ZBTB7C: variants seen among roughly 807,000 people sequenced by gnomAD.
The protein encoded by ZBTB7C is zinc finger and BTB domain containing 7C, also known as zinc finger and BTB domain-containing protein 7C.
Under a neutral mutation model 25.7 loss-of-function variants are expected in ZBTB7C, and 8 were observed. The ratio of observed to expected loss-of-function variants is 0.31; its 90% CI spans 0.18 to 0.56. The LOEUF (loss-of-function observed/expected upper bound fraction) is 0.56. Ranked by LOEUF, ZBTB7C falls within the 20% of genes least tolerant of loss-of-function variation. The pLI is 0.91. For missense variants in ZBTB7C, 824 were observed against 855.2 expected (o/e 0.96, Z 0.46); for synonymous variants, 394 against 369.0 (o/e 1.07, Z -0.78).
intron 3 of ZBTB7C, chr18:48,041,637 G>T: frequency 2.5e-6 from 2 of 785,484 alleles, no homozygotes; most frequent in Non-Finnish European, 1.5e-6. Flanking sequence ...AAATTTCGTG[G>T]CCCATTTTCA....
intron 2 of ZBTB7C, among the ~76,000 whole-genome samples, chr18:48,289,075 C>T (rs1474737226): frequency 2.6e-5 from 4 of 152,144 alleles, no homozygotes; most frequent in Admixed American, 6.5e-5. Flanking sequence ...ATGCACAACG[C>T]GAAACCACTT....
At chr18:48,249,167 C>A (rs1309287538) in intron 2 of ZBTB7C, among the ~76,000 whole-genome samples, 1 of 152,154 alleles carries the variant, frequency 6.6e-6, no homozygotes, top group Non-Finnish European at 1.5e-5. Flanking sequence ...AGAGTGATGG[C>A]ACTGTATTAA....
At chr18:48,405,578 G>A (rs895521855) in intron 1 of ZBTB7C, among the ~76,000 whole-genome samples, 4 of 152,172 alleles carry the variant, frequency 2.6e-5, no homozygotes, top group African/African-American at 7.2e-5. Flanking sequence ...GTAACCCATC[G>A]TTTCTCAGCC....
intron 2 of ZBTB7C, among the ~76,000 whole-genome samples, chr18:48,323,071 A>G (rs2046135702): frequency 6.6e-6 from 1 of 152,264 alleles, no homozygotes; most frequent in African/African-American, 2.4e-5. Context: ...GGTGACAGAT[A>G]AAACACTACA....
chr18:48,398,883 T>C (rs2048091888), intron 1 of ZBTB7C, among the ~76,000 whole-genome samples: 1 of 152,256 alleles, frequency 6.6e-6, no homozygotes, highest in Non-Finnish European at 1.5e-5. Context: ...TTAAGCAATT[T>C]TATCCTTTGA....
chr18:48,281,571 G>GGC (rs2044852057), intron 2 of ZBTB7C, among the ~76,000 whole-genome samples: 2 of 152,100 alleles, frequency 1.3e-5, no homozygotes, highest in Admixed American at 1.3e-4. Flanking sequence ...TCTGACAAAG[G>GGC]GCTAATATCC....
At position 48,326,192 on chromosome 18, in the gene ZBTB7C, T is replaced by G. The variant is rs376624625; in HGVS notation, c.-79+11982A>C. Among the ~76,000 whole-genome samples the G allele has an allele frequency of 8.1e-4, 120 of 148,572 alleles. 1 individual carries two copies. The highest frequency in any genetic ancestry group is 2.8e-3 in the African/African-American group (115 of 40,352). On this transcript the variant is annotated intron_variant, in intron 2 of 4. Coordinates refer to ENST00000590800, the MANE Select transcript of ZBTB7C (RefSeq NM_001318841.2). ...CTCACTGCAACCTCCACCTCCTGGG[T>G]TCAAGCAATTATCCTGCCTCAGCCT...
intron 2 of ZBTB7C, among the ~76,000 whole-genome samples, chr18:48,216,436 C>T (rs751257555): frequency 1.3e-5 from 2 of 152,024 alleles, no homozygotes; most frequent in African/African-American, 2.4e-5. Context: ...TGCAGAATCA[C>T]GAGGCAAAAT....
chr18:48,401,221 C>T (rs72921532), intron 1 of ZBTB7C, among the ~76,000 whole-genome samples: 337 of 152,236 alleles, frequency 2.2e-3, no homozygotes, highest in Non-Finnish European at 4.0e-3. Flanking sequence ...GACAACAAAG[C>T]CTTAACTGTT....
Position 48,074,648 on chromosome 18 carries a change from C to A in ZBTB7C, c.-16-33525G>T, listed in dbSNP as rs147664046. Among the ~76,000 whole-genome samples, 451 of 152,342 alleles carry A rather than the reference C, an allele frequency of 3.0e-3. 5 individuals carry two copies. In the South Asian group the frequency reaches 0.034, roughly 11 times the overall value. On this transcript the variant is annotated intron_variant, in intron 3 of 4. Transcript: ENST00000590800. ...ATACCCTCAGACCAATTGCAGACAG[C>A]ACTCTGGAACAGAGTAATCTGGTGT...
chr18:48,240,590 A>T (rs113040626), intron 2 of ZBTB7C, among the ~76,000 whole-genome samples: 1 of 152,220 alleles, frequency 6.6e-6, no homozygotes, highest in African/African-American at 2.4e-5. Flanking sequence ...TGCATCCAGC[A>T]AAACTAAGCT....
chr18:48,084,209 G>A (rs1025738497), intron 3 of ZBTB7C, among the ~76,000 whole-genome samples: 2 of 152,248 alleles, frequency 1.3e-5, no homozygotes, highest in African/African-American at 4.8e-5. Context: ...TCAGCCTTCC[G>A]AGGCCTCACC....
intron 2 of ZBTB7C, among the ~76,000 whole-genome samples, chr18:48,229,956 G>A (rs896697756): frequency 6.6e-6 from 1 of 152,202 alleles, no homozygotes; most frequent in Non-Finnish European, 1.5e-5. Flanking sequence ...GGCTGCCTGG[G>A]AGGCAGCCAC....
chr18:48,184,575 G>A (rs1367682931), intron 3 of ZBTB7C, among the ~76,000 whole-genome samples: 1 of 152,062 alleles, frequency 6.6e-6, no homozygotes, highest in South Asian at 2.1e-4. Context: ...TTTATAACTA[G>A]CTACCTTCTC....
intron 2 of ZBTB7C, among the ~76,000 whole-genome samples, chr18:48,193,393 C>T (rs548370496): frequency 2.0e-5 from 3 of 152,296 alleles, no homozygotes; most frequent in Non-Finnish European, 4.4e-5. Flanking sequence ...CCCACACTCC[C>T]AACACCAGAT....
In ZBTB7C at chr18:48,028,360, C is replaced by T. The variant is rs1235866909; in HGVS notation, c.*900G>A. ...AGGGTAGCATTCTGAGTTCGCAGAGCTACCTGTGGGCTTTGCTGAAGCTCG... is the reference window on the plus strand; with the variant it reads ...AGGGTAGCATTCTGAGTTCGCAGAGTTACCTGTGGGCTTTGCTGAAGCTCG... On this transcript the variant is annotated 3_prime_UTR_variant, in exon 5 of 5. Transcript: ENST00000590800. 1 of 152,192 alleles carries T rather than the reference C, an allele frequency of 6.6e-6. No homozygotes were observed. The highest frequency in any genetic ancestry group is 6.5e-5 in the Admixed American group (1 of 15,282). The allele number at this position is 152,192 out of a possible 1,614,324, so 9.4% of individuals were successfully genotyped here. A position where few individuals can be genotyped will look rare whatever the true frequency, so the allele number is the denominator to read the frequency against.
intron 2 of ZBTB7C, among the ~76,000 whole-genome samples, chr18:48,330,825 C>T (rs1459363270): frequency 6.6e-6 from 1 of 152,014 alleles, no homozygotes; most frequent in African/African-American, 2.4e-5. Flanking sequence ...ACCCCAGCTC[C>T]GGACAGGTAG....
At chr18:48,177,102 C>A (rs2145067557) in intron 3 of ZBTB7C, among the ~76,000 whole-genome samples, 1 of 152,352 alleles carries the variant, frequency 6.6e-6, no homozygotes, top group East Asian at 1.9e-4. Context: ...AGCATAAACC[C>A]CTTTAGGGCA....
intron 2 of ZBTB7C, among the ~76,000 whole-genome samples, chr18:48,248,203 A>T (rs2043749912): frequency 6.6e-6 from 1 of 152,140 alleles, no homozygotes; most frequent in Admixed American, 6.5e-5. Context: ...CTTTATTTGC[A>T]GCGTGAGGAC....
Sources: allele counts gnomAD v4.1 joint callset (sites outside exome capture counted in the v4.1 genomes callset), GRCh38; gene constraint gnomAD v4.1.1; transcripts MANE v1.5; gene names NCBI Gene and HGNC (gene_info 2026-07-23, HGNC 2026-07-21).